TIPIN: variants seen among roughly 807,000 people sequenced by gnomAD.
TIPIN encodes TIMELESS interacting protein.
A neutral mutation model predicts 35.6 loss-of-function variants in TIPIN; 29 were observed. The observed-to-expected ratio is 0.82, with a 90% CI of 0.61 to 1.11. The LOEUF (loss-of-function observed/expected upper bound fraction) is 1.11, where lower values mean the gene tolerates loss of function less well. Ranked by LOEUF, TIPIN falls within the 50% of genes most tolerant of loss-of-function variation. The pLI is 0.00. For synonymous variants in TIPIN, 102 were observed against 121.5 expected (o/e 0.84, Z 1.06); for missense variants, 296 against 345.4 (o/e 0.86, Z 1.13).
intron 1 of TIPIN, chr15:66,379,562 C>G: frequency 6.2e-7 from 1 of 1,611,240 alleles, no homozygotes; most frequent in Non-Finnish European, 8.5e-7. Flanking sequence ...ATTTTTCACC[C>G]AAGAAATTTC....
chr15:66,349,075 A>T lies in TIPIN; in HGVS notation c.460T>A (p.Phe154Ile), dbSNP rs748277714. ...RLDLPILHED[F>I]VSNNDEVAEN... Reference sequence around the variant, plus strand: ...ATATTCTTACCATTATTGCTAACAAAATCTTCATGTAAAATAGGGAGATCA... The same window carrying T: ...ATATTCTTACCATTATTGCTAACAATATCTTCATGTAAAATAGGGAGATCA... The change falls in exon 6 of 8, where the codon TTT (phenylalanine) becomes ATT (isoleucine). Residue 154 changes from phenylalanine (F) to isoleucine (I), a missense_variant. By Grantham distance (21) the Phe-to-Ile change is conservative. Coordinates refer to ENST00000261881, the MANE Select transcript of TIPIN (RefSeq NM_017858.3). 3 of 1,610,190 alleles carry T rather than the reference A, an allele frequency of 1.9e-6. No individual in the cohort carries two copies. The Admixed American group carries it at 5.0e-5, about 27-fold the overall frequency.
chr15:66,371,636 C>G (rs2093278079), intron 1 of TIPIN, among the ~76,000 whole-genome samples: 1 of 151,906 alleles, frequency 6.6e-6, no homozygotes, highest in Non-Finnish European at 1.5e-5. Flanking sequence ...GCCTCAGCCT[C>G]CTGAGTAGCT....
At chr15:66,353,853 TTC>T (rs2093185696) in intron 1 of TIPIN, among the ~76,000 whole-genome samples, 2 of 151,900 alleles carry the variant, frequency 1.3e-5, no homozygotes, top group African/African-American at 4.8e-5. Flanking sequence ...TTACCTTAAC[TTC>T]TAAGACATGC....
chr15:66,382,522 G>A (rs2093322017), intron 1 of TIPIN, among the ~76,000 whole-genome samples: 1 of 152,128 alleles, frequency 6.6e-6, no homozygotes, highest in East Asian at 1.9e-4. Flanking sequence ...CTGCAGGCAT[G>A]TGCCACTATG....
Position 66,336,918 on chromosome 15 carries a change from G to A in TIPIN, c.*40C>T, listed in dbSNP as rs756376902. On this transcript the variant is annotated 3_prime_UTR_variant, in exon 8 of 8. Coordinates refer to ENST00000261881, the MANE Select transcript of TIPIN (RefSeq NM_017858.3). ...AATACATAGTAACGCCAAGCTTGCA[G>A]GACGATGACTTAACAGATACATTTT... 5.7e-6 allele frequency: 9 copies of A among 1,569,102 alleles called. No homozygotes were observed. The African/African-American group carries it at 6.8e-5, about 12-fold the overall frequency.
At chr15:66,378,861 C>G (rs1023672028) in intron 1 of TIPIN, among the ~76,000 whole-genome samples, 2 of 152,064 alleles carry the variant, frequency 1.3e-5, no homozygotes, top group Admixed American at 6.6e-5. Context: ...CTCAGCCTCT[C>G]AAGTAGCTGG....
At chr15:66,385,063 C>T (rs981260982) in intron 1 of TIPIN, among the ~76,000 whole-genome samples, 2 of 152,170 alleles carry the variant, frequency 1.3e-5, no homozygotes, top group African/African-American at 4.8e-5. Flanking sequence ...AGAAAGCTGG[C>T]TCTGTCATGC....
chr15:66,384,385 C>T (rs986844593), intron 1 of TIPIN, among the ~76,000 whole-genome samples: 3 of 151,970 alleles, frequency 2.0e-5, no homozygotes, highest in Non-Finnish European at 2.9e-5. Flanking sequence ...AACTCTGCCT[C>T]CCTGGTTCAG....
chr15:66,381,363 G>A (rs775548537), intron 1 of TIPIN, among the ~76,000 whole-genome samples: 3 of 152,030 alleles, frequency 2.0e-5, no homozygotes, highest in Non-Finnish European at 4.4e-5. Flanking sequence ...GCTTGAACCT[G>A]GGAGGCGTAG....
chr15:66,341,258 T>G lies in TIPIN; in HGVS notation c.574A>C (p.Ser192Arg). ...SESEMFASEL[S>R]RSLTEEQQQR... ...TGTTGCTCTTCTGTTAGGCTTCTACTTAACTCAGAAGCAAACATCTCACTT... is the reference window on the plus strand; with the variant it reads ...TGTTGCTCTTCTGTTAGGCTTCTACGTAACTCAGAAGCAAACATCTCACTT... Residue 192 changes from serine to arginine, a missense_variant, in exon 7 of 8, where the codon AGT becomes CGT. Physicochemically the swap from Ser to Arg is moderately radical, Grantham distance 110. Transcript: ENST00000261881. The G allele has an allele frequency of 6.2e-7, 1 of 1,613,932 alleles. No individual in the cohort carries two copies. Among genetic ancestry groups the G allele is most frequent in the Non-Finnish European group, 8.5e-7 (1 of 1,179,968 alleles).
intron 1 of TIPIN, chr15:66,371,436 T>A: frequency 1.1e-6 from 1 of 951,678 alleles, no homozygotes; most frequent in South Asian, 4.9e-5. Context: ...AAAAATATAT[T>A]TGGGTCAGTC....
rs551184697 is a variant in TIPIN at position 66,337,235 on chromosome 15, C to T, written c.683-54G>A. ...TTATAAGTACCTGATCCAATCTTAC[C>T]GCATGAGTACAAACCTCTTCAAAAG... On this transcript the variant is annotated intron_variant, in intron 7 of 7. Coordinates refer to ENST00000261881, the MANE Select transcript of TIPIN (RefSeq NM_017858.3). The T allele has an allele frequency of 3.3e-5, 48 of 1,459,428 alleles. 1 individual carries two copies. In the African/African-American group the frequency reaches 4.2e-4, roughly 13 times the overall value. 90.4% of individuals were successfully genotyped at this position (1,459,428 alleles called of 1,614,324 possible).
chr15:66,350,503 G>T (rs1595796242), intron 4 of TIPIN, among the ~76,000 whole-genome samples: 1 of 151,800 alleles, frequency 6.6e-6, no homozygotes, highest in East Asian at 2.0e-4. Context: ...TACTTGGGAG[G>T]CTGAAGCAGT....
At chr15:66,369,580 T>C (rs1011254303) in intron 1 of TIPIN, among the ~76,000 whole-genome samples, 7 of 152,118 alleles carry the variant, frequency 4.6e-5, no homozygotes, top group Admixed American at 2.0e-4. Flanking sequence ...GATCTCCACA[T>C]CTCGTGATCC....
At chr15:66,349,233 C>T in intron 5 of TIPIN, 82 bp downstream of exon 5, 2 of 1,602,126 alleles carry the variant, frequency 1.2e-6, no homozygotes, top group East Asian at 2.2e-5. Flanking sequence ...AAAATGAACA[C>T]TTTAAACAGC....
intron 7 of TIPIN, among the ~76,000 whole-genome samples, chr15:66,340,358 A>C (rs2093077476): frequency 1.3e-5 from 2 of 150,012 alleles, no homozygotes; most frequent in Non-Finnish European, 3.0e-5. Context: ...TTGTATTTTT[A>C]GTAGAGGTGG....
chr15:66,354,313 A>G (rs555117886), intron 1 of TIPIN, among the ~76,000 whole-genome samples: 1 of 152,324 alleles, frequency 6.6e-6, no homozygotes, highest in South Asian at 2.1e-4. Flanking sequence ...AACTCATTAA[A>G]TGACATCTAT....
At position 66,352,845 on chromosome 15, in the gene TIPIN, GTC is replaced by G; in HGVS notation, c.101_102del (p.Arg34ThrfsTer4). 1 of 1,613,108 alleles carries G rather than the reference GTC, an allele frequency of 6.2e-7. No individual in the cohort carries two copies. The highest frequency in any genetic ancestry group is 1.7e-5 in the Admixed American group (1 of 59,934). ...TCAGGCTCAGTTCCTTCACCATCTT[GTC>G]TCTCTGGAGAGGCTGGAGGTGGGAA... ...PPFPPPASPE[R>X]QDGEGTEPDE... On this transcript the variant is annotated frameshift_variant, in exon 2 of 8. Coordinates refer to ENST00000261881, the MANE Select transcript of TIPIN (RefSeq NM_017858.3). LOFTEE classifies it high-confidence loss of function.
chr15:66,361,589 G>T (rs1394880063), upstream of TIPIN, among the ~76,000 whole-genome samples: 2 of 146,798 alleles, frequency 1.4e-5, no homozygotes, highest in Admixed American at 6.8e-5. Flanking sequence ...ACAGCAAAAA[G>T]CAAGAACCTA....
Sources: allele counts gnomAD v4.1 joint callset (sites outside exome capture counted in the v4.1 genomes callset), GRCh38; gene constraint gnomAD v4.1.1; transcripts MANE v1.5; gene names NCBI Gene and HGNC (gene_info 2026-07-23, HGNC 2026-07-21).